The following SNRK variants were observed in gnomAD, a reference collection of about 807,000 sequenced individuals.
SNRK encodes SNF related kinase.
SNRK carries 3 observed loss-of-function variants against 48.2 expected under a neutral mutation model. That is an observed-to-expected ratio of 0.06 (90% CI 0.03 to 0.16). The LOEUF (loss-of-function observed/expected upper bound fraction) is 0.16, where lower values mean the gene tolerates loss of function less well. Ranked by LOEUF, SNRK falls within the 10% of genes least tolerant of loss-of-function variation. SNRK has a pLI of 1.00. For missense variants in SNRK, 627 were observed against 976.0 expected (o/e 0.64, Z 4.76); for synonymous variants, 376 against 366.1 (o/e 1.03, Z -0.31).
At chr3:43,325,192 G>GTC (rs2091086333) in intron 3 of SNRK, among the ~76,000 whole-genome samples, 1 of 152,166 alleles carries the variant, frequency 6.6e-6, no homozygotes, top group African/African-American at 2.4e-5. Context: ...TTGAGACGGA[G>GTC]TCTCGCGCTT....
chr3:43,301,801 A>C (rs1202897509), intron 2 of SNRK, among the ~76,000 whole-genome samples: 3 of 152,220 alleles, frequency 2.0e-5, no homozygotes, highest in Non-Finnish European at 4.4e-5. Context: ...GGAGAGAGCT[A>C]GCCTTAGGAG....
intron 1 of SNRK, among the ~76,000 whole-genome samples, chr3:43,296,029 C>T (rs908358625): frequency 4.6e-5 from 7 of 152,216 alleles, no homozygotes; most frequent in Admixed American, 2.0e-4. Context: ...TGAGCCACCA[C>T]GCCTGGCCAA....
intron 3 of SNRK, among the ~76,000 whole-genome samples, chr3:43,310,604 G>C (rs1454653429): frequency 1.3e-5 from 2 of 152,058 alleles, no homozygotes; most frequent in Non-Finnish European, 2.9e-5. Context: ...AAAAATTCAA[G>C]TCCTTATGTG....
intron 3 of SNRK, among the ~76,000 whole-genome samples, chr3:43,305,919 T>C (rs1294262206): frequency 2.6e-5 from 4 of 152,220 alleles, no homozygotes; most frequent in Non-Finnish European, 4.4e-5. Flanking sequence ...GGCAGGCATA[T>C]CTGTAGGCTT....
intron 6 of SNRK, 80 bp downstream of exon 6, chr3:43,343,558 C>A: frequency 7.0e-7 from 1 of 1,425,108 alleles, no homozygotes; most frequent in Non-Finnish European, 9.6e-7. Context: ...TTAATGCTTC[C>A]TAACTCTTTG....
At chr3:43,287,028 C>T (rs2090770808) in intron 1 of SNRK, among the ~76,000 whole-genome samples, 1 of 149,904 alleles carries the variant, frequency 6.7e-6, no homozygotes, top group Non-Finnish European at 1.5e-5. Context: ...CCCCGCGCCC[C>T]GCCCCGGAGC....
rs1330759551 is a variant in SNRK, at chr3:43,319,816, TTTTCC to T, written c.590-12350_590-12346del. Among the ~76,000 whole-genome samples the T allele has an allele frequency of 2.0e-5, 3 of 152,332 alleles. No homozygotes were observed. The East Asian group carries it at 5.8e-4, about 29-fold the overall frequency. ...ATCTCTTTGCTGATGTCGTAATTCC[TTTTCC>T]TTGCCTTGTATCTGTTATATTTAAT... is the stretch of plus-strand genomic sequence containing the variant. On this transcript the variant is annotated intron_variant, in intron 3 of 6. Coordinates refer to ENST00000296088, the MANE Select transcript of SNRK (RefSeq NM_017719.5).
At chr3:43,341,842 T>C (rs2091240368) in intron 5 of SNRK, among the ~76,000 whole-genome samples, 1 of 152,202 alleles carries the variant, frequency 6.6e-6, no homozygotes, top group Admixed American at 6.5e-5. Flanking sequence ...TTAGAGTGTT[T>C]TACATTACTG....
chr3:43,316,951 A>G (rs2091017685), intron 3 of SNRK, among the ~76,000 whole-genome samples: 1 of 152,158 alleles, frequency 6.6e-6, no homozygotes, highest in Admixed American at 6.5e-5. Context: ...TCTTGGGTTC[A>G]TAGTACCTTT....
intron 3 of SNRK, among the ~76,000 whole-genome samples, chr3:43,329,191 A>T (rs948312081): frequency 1.3e-4 from 20 of 152,202 alleles, no homozygotes; most frequent in African/African-American, 4.6e-4. Context: ...AGAGAAATAA[A>T]AAGTCTGGAA....
At chr3:43,313,812 C>A (rs1411947590) in intron 3 of SNRK, among the ~76,000 whole-genome samples, 4 of 152,152 alleles carry the variant, frequency 2.6e-5, no homozygotes, top group Non-Finnish European at 4.4e-5. Context: ...ACTTACCTTT[C>A]CATTTGTTTT....
intron 1 of SNRK, among the ~76,000 whole-genome samples, chr3:43,298,657 T>C (rs956451827): frequency 1.3e-5 from 2 of 152,336 alleles, no homozygotes; most frequent in Non-Finnish European, 2.9e-5. Flanking sequence ...CATTAGTGTA[T>C]AGTGTAAATT....
chr3:43,327,985 C>T (rs990925478), intron 3 of SNRK, among the ~76,000 whole-genome samples: 9 of 151,052 alleles, frequency 6.0e-5, no homozygotes, highest in East Asian at 3.9e-4. Context: ...AAGCCAATTA[C>T]ATTTATTAAA....
chr3:43,340,479 G>A lies in SNRK; in HGVS notation c.924G>A (p.Ala308=), dbSNP rs772928304. 40 of 1,614,050 alleles carry A rather than the reference G, an allele frequency of 2.5e-5. No homozygotes were observed. Among genetic ancestry groups the A allele is most frequent in the Admixed American group, 1.5e-4 (9 of 59,994 alleles). ...AGCGCATGGTGCTTGGGGACATAGC[G>A]GATCGAGACGCCATTGTAGAGTACG... The part of the protein sequence containing the change: ...IIQRMVLGDI[A]DRDAIVEALE... Residue 308 remains alanine, a synonymous_variant, in exon 5 of 7, where the codon GCG becomes GCA. Coordinates refer to ENST00000296088, the MANE Select transcript of SNRK (RefSeq NM_017719.5).
chr3:43,336,341 T>G (rs1464314291), intron 4 of SNRK, among the ~76,000 whole-genome samples: 1 of 151,738 alleles, frequency 6.6e-6, no homozygotes, highest in Non-Finnish European at 1.5e-5. Context: ...CTCTCTTTCT[T>G]TTCTTAGACA....
rs546499644 is a variant in SNRK, at chr3:43,293,937, G to A, written c.-168-5817G>A. Among the ~76,000 whole-genome samples, 6 of 151,800 alleles carry A rather than the reference G, an allele frequency of 4.0e-5. 1 individual carries two copies. In the South Asian group the frequency reaches 1.2e-3, roughly 32 times the overall value. The stretch of plus-strand genomic sequence containing the variant: ...CTGTCTCAAGAAAAAAAAAAAGATT[G>A]GAATTACATGCTGTGAAGTTTGGTA... On this transcript the variant is annotated intron_variant, in intron 1 of 6. Coordinates refer to ENST00000296088, the MANE Select transcript of SNRK (RefSeq NM_017719.5).
chr3:43,308,178 G>T lies in SNRK; in HGVS notation c.589+4386G>T, dbSNP rs181627996. Among the ~76,000 whole-genome samples, 16 of 152,328 alleles carry T rather than the reference G, an allele frequency of 1.1e-4. No homozygotes were observed. The East Asian group carries it at 3.1e-3, about 29-fold the overall frequency. On this transcript the variant is annotated intron_variant, in intron 3 of 6. Transcript: ENST00000296088. Reference sequence around the variant, plus strand: ...TTGAAACTAGCAGAGTTTGATTCATGAGGTTTAAGGAAAGAAGCCATCTCC... The same window carrying T: ...TTGAAACTAGCAGAGTTTGATTCATTAGGTTTAAGGAAAGAAGCCATCTCC...
intron 3 of SNRK, among the ~76,000 whole-genome samples, chr3:43,323,026 TAAAC>T (rs1349358576): frequency 1.4e-5 from 2 of 146,144 alleles, no homozygotes; most frequent in African/African-American, 5.1e-5. Context: ...AGTCCATAAA[TAAAC>T]CTACACATAT....
chr3:43,297,098 A>G (rs777385842), intron 1 of SNRK, among the ~76,000 whole-genome samples: 40 of 152,210 alleles, frequency 2.6e-4, no homozygotes, highest in Admixed American at 3.9e-4. Flanking sequence ...TGCTGTGTAA[A>G]GACATGTTAT....
Sources: gnomAD v4.1 joint callset for allele counts (sites outside exome capture counted in the v4.1 genomes callset) on GRCh38, gnomAD v4.1.1 for gene constraint, MANE v1.5 for transcripts, NCBI Gene and HGNC (gene_info 2026-07-23, HGNC 2026-07-21) for gene names.